Variants in TIAM1 observed in about 807,000 individuals in gnomAD.
TIAM1 encodes the protein rho guanine nucleotide exchange factor TIAM1.
A neutral mutation model predicts 163.5 loss-of-function variants in TIAM1; 65 were observed. That is an observed-to-expected ratio of 0.40 (90% CI 0.33 to 0.49). The LOEUF (loss-of-function observed/expected upper bound fraction) is 0.49, where lower values mean the gene tolerates loss of function less well. Ranked by LOEUF, TIAM1 falls within the 20% of genes least tolerant of loss-of-function variation. The probability of loss-of-function intolerance (pLI) is 0.77; values close to 1 mark genes in which losing one functional copy is unlikely to be tolerated. For synonymous variants in TIAM1, 833 were observed against 810.1 expected (o/e 1.03, Z -0.48); for missense variants, 1,789 against 2,044.7 (o/e 0.87, Z 2.41).
chr21:31,317,265 AC>A (rs2147012632), intron 2 of TIAM1, among the ~76,000 whole-genome samples: 1 of 144,112 alleles, frequency 6.9e-6, no homozygotes, highest in South Asian at 2.3e-4. Context: ...GACCAGCCTG[AC>A]CAACATGGAA....
chr21:31,243,068 TG>T (rs1216805668), intron 6 of TIAM1, among the ~76,000 whole-genome samples: 2 of 149,712 alleles, frequency 1.3e-5, no homozygotes, highest in African/African-American at 4.9e-5. Context: ...GGCACATGCC[TG>T]TAATCCCAGC....
chr21:31,294,011 T>C (rs2254919), intron 2 of TIAM1, among the ~76,000 whole-genome samples: 17,125 of 152,214 alleles, frequency 0.11, 1,601 homozygotes, highest in East Asian at 0.43. Context: ...CTGTTGGTGT[T>C]ATTTCTGCTC....
intron 4 of TIAM1, 47 bp downstream of exon 4, chr21:31,265,963 G>A (rs1478151538): frequency 1.3e-6 from 2 of 1,593,126 alleles, no homozygotes; most frequent in Admixed American, 3.4e-5. Context: ...CACTTAAAGA[G>A]TCATGCACCA....
At chr21:31,458,760 G>A (rs2045210414) in intron 2 of TIAM1, among the ~76,000 whole-genome samples, 1 of 152,136 alleles carries the variant, frequency 6.6e-6, no homozygotes, top group Admixed American at 6.5e-5. Context: ...GGGGAGGGGA[G>A]GGAGGGGTCT....
At chr21:31,168,449 G>A (rs770400258) in intron 15 of TIAM1, among the ~76,000 whole-genome samples, 1 of 151,916 alleles carries the variant, frequency 6.6e-6, no homozygotes, top group East Asian at 1.9e-4. Flanking sequence ...GGCCCAGGCT[G>A]GAGTGCAGTG....
intron 1 of TIAM1, among the ~76,000 whole-genome samples, chr21:31,500,933 C>CCT (rs2046827568): frequency 6.6e-6 from 1 of 152,000 alleles, no homozygotes; most frequent in Non-Finnish European, 1.5e-5. Flanking sequence ...TCCTCCTCCC[C>CCT]TCTACAAAAA....
At chr21:31,322,355 C>G (rs957392402) in intron 2 of TIAM1, among the ~76,000 whole-genome samples, 1 of 150,802 alleles carries the variant, frequency 6.6e-6, no homozygotes, top group African/African-American at 2.4e-5. Context: ...GAGGACAATT[C>G]TAGCTCGTAT....
intron 2 of TIAM1, among the ~76,000 whole-genome samples, chr21:31,369,209 G>C (rs1381768445): frequency 8.9e-5 from 10 of 112,462 alleles, no homozygotes; most frequent in African/African-American, 3.9e-4. Flanking sequence ...CTGGGTGACA[G>C]AGCGAGAATC....
chr21:31,458,531 C>T (rs1281515806), intron 2 of TIAM1, among the ~76,000 whole-genome samples: 1 of 152,154 alleles, frequency 6.6e-6, no homozygotes, highest in Non-Finnish European at 1.5e-5. Flanking sequence ...TCAATGTATT[C>T]TTCTTGGGAA....
At chr21:31,511,388 T>C (rs78974856) in intron 1 of TIAM1, among the ~76,000 whole-genome samples, 9,367 of 152,272 alleles carry the variant, frequency 0.062, 750 homozygotes, top group African/African-American at 0.18. Context: ...GAGGAATTCT[T>C]AGTGCGGACT....
chr21:31,152,914 C>A (rs1023029814), intron 18 of TIAM1, 152 bp downstream of exon 18: 10 of 1,263,028 alleles, frequency 7.9e-6, no homozygotes, highest in Non-Finnish European at 9.9e-6. Context: ...TCTTCATGAG[C>A]ACACCAAAGC....
upstream of TIAM1, among the ~76,000 whole-genome samples, chr21:31,347,891 G>A (rs2076175100): frequency 6.6e-6 from 1 of 152,158 alleles, no homozygotes; most frequent in Non-Finnish European, 1.5e-5. Context: ...ATTTGCACAA[G>A]AGCTGGCTAA....
At chr21:31,253,592 A>G (rs2071936992) in intron 4 of TIAM1, among the ~76,000 whole-genome samples, 1 of 152,158 alleles carries the variant, frequency 6.6e-6, no homozygotes, top group African/African-American at 2.4e-5. Context: ...CAAGACATGG[A>G]AAAAAGAGGG....
chr21:31,267,015 G>A (rs912775545), intron 3 of TIAM1, 32 bp from the exon 4 acceptor site: 1 of 1,562,556 alleles, frequency 6.4e-7, no homozygotes, highest in East Asian at 2.3e-5. Flanking sequence ...GGGGAGAATT[G>A]AGTCACTATT....
chr21:31,318,240 G>A (rs972730384), intron 2 of TIAM1, among the ~76,000 whole-genome samples: 12 of 152,206 alleles, frequency 7.9e-5, no homozygotes, highest in African/African-American at 2.9e-4. Flanking sequence ...TGGGACCACA[G>A]GCACATGCCA....
At chr21:31,411,233 T>C (rs1249944087) in intron 2 of TIAM1, among the ~76,000 whole-genome samples, 1 of 152,086 alleles carries the variant, frequency 6.6e-6, no homozygotes, top group African/African-American at 2.4e-5. Context: ...CTTAAAATAA[T>C]AATAATAACA....
chr21:31,224,084 G>A (rs1388977935), intron 7 of TIAM1, among the ~76,000 whole-genome samples: 1 of 152,212 alleles, frequency 6.6e-6, no homozygotes, highest in East Asian at 1.9e-4. Flanking sequence ...GGAATACAAA[G>A]TTCCAACTGT....
At chr21:31,220,735 C>A (rs186340140) in intron 8 of TIAM1, among the ~76,000 whole-genome samples, 263 of 152,250 alleles carry the variant, frequency 1.7e-3, no homozygotes, top group African/African-American at 5.8e-3. Context: ...TCAAAATGAG[C>A]AAAGGGATTT....
chr21:31,322,524 G>C lies in TIAM1; in HGVS notation c.-189+16719C>G, dbSNP rs117923143. Reference sequence around the variant, plus strand: ...GGAGAATGACAGCAACTTGCCCCCTGGGCACCCTGCTCGCCTGTGACAGCC... The same window carrying C: ...GGAGAATGACAGCAACTTGCCCCCTCGGCACCCTGCTCGCCTGTGACAGCC... On this transcript the variant is annotated intron_variant, in intron 2 of 27. Coordinates refer to ENST00000541036, the MANE Select transcript of TIAM1 (RefSeq NM_001353694.2). 9.4e-3 allele frequency among the ~76,000 whole-genome samples: 1,436 copies of C among 152,150 alleles called. 6 individuals are homozygous for C. Among genetic ancestry groups the C allele is most frequent in the Middle Eastern group, 0.02 (6 of 294 alleles).
Sources: gnomAD v4.1 joint callset for allele counts (sites outside exome capture counted in the v4.1 genomes callset) on GRCh38, gnomAD v4.1.1 for gene constraint, MANE v1.5 for transcripts, NCBI Gene and HGNC (gene_info 2026-07-23, HGNC 2026-07-21) for gene names.